The following TEX9 variants were observed in gnomAD, a reference collection of about 807,000 sequenced individuals.
TEX9 encodes the protein testis expressed 9.
In TEX9, 74 loss-of-function variants were observed where a neutral mutation model predicts 59.6. The observed-to-expected ratio is 1.24, with a 90% CI of 1.03 to 1.51. The LOEUF (loss-of-function observed/expected upper bound fraction) is 1.51. Ranked by LOEUF, TEX9 falls within the 40% of genes most tolerant of loss-of-function variation. The pLI, the probability that TEX9 is intolerant of heterozygous loss-of-function variation, is 0.00. For missense variants in TEX9, 522 were observed against 447.8 expected (o/e 1.17, Z -1.49); for synonymous variants, 186 against 152.2 (o/e 1.22, Z -1.64).
In TEX9 at chr15:56,391,521, G is replaced by A. The variant is rs2048209749; in HGVS notation, c.571+103G>A. 9.1e-6 allele frequency: 7 copies of A among 767,748 alleles called. No homozygotes were observed. In the South Asian group the frequency reaches 2.0e-4, roughly 22 times the overall value. 47.6% of individuals were successfully genotyped at this position (767,748 alleles called of 1,614,324 possible). The stretch of plus-strand genomic sequence containing the variant: ...TCCATTTAAAAAAATGTATTGTGAT[G>A]TCTTGGTTTGTTTCAGAATTATCTA... On this transcript the variant is annotated intron_variant, in intron 7 of 12. Coordinates refer to ENST00000352903, the Ensembl canonical transcript of TEX9.
At chr15:56,442,305 T>A (rs2050829021) in intron 12 of TEX9, among the ~76,000 whole-genome samples, 1 of 152,124 alleles carries the variant, frequency 6.6e-6, no homozygotes, top group Admixed American at 6.5e-5. Context: ...TCAACCACTG[T>A]GAAAAGCACT....
chr15:56,266,570 C>T (rs1373278331), intron 1 of TEX9, among the ~76,000 whole-genome samples: 9 of 147,122 alleles, frequency 6.1e-5, no homozygotes, highest in Non-Finnish European at 9.0e-5. Flanking sequence ...AGTGAGAACA[C>T]GCAGTGTTTG....
chr15:56,343,553 A>C (rs1596104888), intron 1 of TEX9, among the ~76,000 whole-genome samples: 2 of 152,260 alleles, frequency 1.3e-5, no homozygotes, highest in South Asian at 4.1e-4. Context: ...GCAGAAAAAG[A>C]GGATTTCACT....
intron 10 of TEX9, among the ~76,000 whole-genome samples, chr15:56,424,590 AT>A (rs2050151633): frequency 6.6e-6 from 1 of 151,836 alleles, no homozygotes; most frequent in Admixed American, 6.6e-5. Context: ...TGTTTAGTTG[AT>A]TTTGTGTAAT....
chr15:56,258,549 T>C (rs1596046937), intron 1 of TEX9, among the ~76,000 whole-genome samples: 3 of 152,178 alleles, frequency 2.0e-5, no homozygotes, highest in African/African-American at 7.2e-5. Context: ...TTTGTAGCAA[T>C]TGTGAATGGA....
At chr15:56,268,828 T>C (rs1198538693) in intron 1 of TEX9, among the ~76,000 whole-genome samples, 7 of 152,220 alleles carry the variant, frequency 4.6e-5, no homozygotes, top group African/African-American at 1.4e-4. Flanking sequence ...ATCAGGATGA[T>C]GTTGGCCTCA....
At chr15:56,324,085 A>G (rs1209745590) in intron 1 of TEX9, among the ~76,000 whole-genome samples, 3 of 152,142 alleles carry the variant, frequency 2.0e-5, no homozygotes, top group African/African-American at 7.2e-5. Context: ...GGTGCACAGC[A>G]CAAATTAGTT....
At chr15:56,443,723 A>G in intron 12 of TEX9, 3 of 1,613,176 alleles carry the variant, frequency 1.9e-6, no homozygotes, top group Admixed American at 1.7e-5. Context: ...CATGTTAGCA[A>G]ACTCTATGAT....
At chr15:56,427,429 A>T (rs1238848334) in intron 10 of TEX9, among the ~76,000 whole-genome samples, 176 bp from the exon 11 acceptor site, 1 of 152,192 alleles carries the variant, frequency 6.6e-6, no homozygotes, top group African/African-American at 2.4e-5. Flanking sequence ...ATACCTGAGC[A>T]TGACTAAAAG....
At chr15:56,274,545 T>C (rs1243002739) in intron 1 of TEX9, 4 of 152,194 alleles carry the variant, frequency 2.6e-5, no homozygotes, top group Non-Finnish European at 4.4e-5. Flanking sequence ...AATGAAATGC[T>C]TCATGAATTT....
chr15:56,448,866 G>C (rs573118845), downstream of TEX9, among the ~76,000 whole-genome samples: 6 of 149,032 alleles, frequency 4.0e-5, no homozygotes, highest in African/African-American at 1.5e-4. Flanking sequence ...CGATTCTCCT[G>C]TCTCAGCCTC....
rs147641017 is a variant in TEX9 at position 56,387,909 on chromosome 15, T to G, written c.264-563T>G. Among the ~76,000 whole-genome samples the G allele has an allele frequency of 1.3e-4, 20 of 152,106 alleles. No individual in the cohort carries two copies. In the East Asian group the frequency reaches 3.9e-3, roughly 29 times the overall value. On this transcript the variant is annotated intron_variant, in intron 4 of 12. Transcript: ENST00000352903. ...AAACTACAAATATATTTTGAAAACC[T>G]TGTGTATAAAAATGAATTGCATTTT... is the stretch of plus-strand genomic sequence containing the variant.
intron 1 of TEX9, among the ~76,000 whole-genome samples, chr15:56,326,539 G>A (rs2141733878): frequency 6.6e-6 from 1 of 151,990 alleles, no homozygotes; most frequent in Middle Eastern, 3.4e-3. Context: ...TCTTAGTTTG[G>A]GTATGTCCAG....
chr15:56,366,685 C>G (rs2046962056), intron 2 of TEX9, among the ~76,000 whole-genome samples: 1 of 152,198 alleles, frequency 6.6e-6, no homozygotes, highest in East Asian at 1.9e-4. Flanking sequence ...CTTTTAACAA[C>G]TCCCTTCCGT....
chr15:56,255,533 G>C (rs971247088), intron 1 of TEX9, among the ~76,000 whole-genome samples: 4 of 151,874 alleles, frequency 2.6e-5, no homozygotes, highest in Admixed American at 6.6e-5. Context: ...AAATAAAAAC[G>C]TAGAAAGATA....
chr15:56,268,431 T>C (rs1210625811), intron 1 of TEX9, among the ~76,000 whole-genome samples: 1 of 152,204 alleles, frequency 6.6e-6, no homozygotes, highest in African/African-American at 2.4e-5. Context: ...TTCCAGTTTT[T>C]GCCCATTCAG....
chr15:56,379,747 CATT>C (rs776285415), intron 3 of TEX9, among the ~76,000 whole-genome samples: 3 of 152,118 alleles, frequency 2.0e-5, no homozygotes, highest in Admixed American at 6.5e-5. Flanking sequence ...TATATGCAAT[CATT>C]ATATCCTGTT....
intron 10 of TEX9, among the ~76,000 whole-genome samples, chr15:56,416,860 A>C (rs371031641): frequency 6.6e-6 from 1 of 151,682 alleles, no homozygotes; most frequent in African/African-American, 2.4e-5. Context: ...TTGGTAGGCT[A>C]TTTATTACTG....
At position 56,434,466 on chromosome 15, in the gene TEX9, G is replaced by C. The variant is rs965843179; in HGVS notation, c.*29+5993G>C. ...CCAGATTTATAAGGAAAGAGTGATA[G>C]AGTTTGGTTAAATTTAGTATTACAA... On this transcript the variant is annotated intron_variant, in intron 12 of 12. Transcript: ENST00000352903. 6.2e-6 allele frequency: 9 copies of C among 1,455,352 alleles called. No individual in the cohort carries two copies. The South Asian group carries it at 1.1e-4, about 17-fold the overall frequency. The allele number at this position is 1,455,352 out of a possible 1,614,324, so 90.2% of individuals were successfully genotyped here.
Sources: gnomAD v4.1 joint callset for allele counts (sites outside exome capture counted in the v4.1 genomes callset) on GRCh38, gnomAD v4.1.1 for gene constraint, MANE v1.5 for transcripts, NCBI Gene and HGNC (gene_info 2026-07-23, HGNC 2026-07-21) for gene names.